Variants in TSHZ1 observed in about 807,000 individuals in gnomAD.
The protein encoded by TSHZ1 is teashirt zinc finger homeobox 1, also known as teashirt homolog 1.
In TSHZ1, 12 loss-of-function variants were observed where a neutral mutation model predicts 67.1. The ratio of observed to expected loss-of-function variants is 0.18; its 90% CI spans 0.11 to 0.29. TSHZ1 has a LOEUF of 0.29. Among genes scored for constraint, TSHZ1 ranks in the 10% least tolerant of loss-of-function variants. The pLI is 1.00. For synonymous variants in TSHZ1, 632 were observed against 622.4 expected, an observed-to-expected ratio of 1.02 and a Z score of -0.23; for missense variants, 1,305 against 1,413.9, an observed-to-expected ratio of 0.92 and a Z score of 1.23.
At chr18:75,243,521 A>G (rs2023183712) in intron 1 of TSHZ1, among the ~76,000 whole-genome samples, 1 of 144,128 alleles carries the variant, frequency 6.9e-6, no homozygotes, top group Non-Finnish European at 1.5e-5. Flanking sequence ...GGGTGGGCTG[A>G]GGGGTGGGGA....
At chr18:75,278,894 A>T (rs958068840) in intron 1 of TSHZ1, among the ~76,000 whole-genome samples, 2 of 152,160 alleles carry the variant, frequency 1.3e-5, no homozygotes, top group Non-Finnish European at 2.9e-5. Context: ...GCCGGCAGTC[A>T]GTCACAGGTT....
intron 1 of TSHZ1, among the ~76,000 whole-genome samples, chr18:75,280,309 CA>C (rs1407295193): frequency 3.3e-5 from 5 of 152,134 alleles, no homozygotes. Flanking sequence ...AGGCTAACTT[CA>C]AAAAATAAAA....
rs148126168 is a variant in TSHZ1 at position 75,286,712 on chromosome 18, G to T, written c.1305G>T (p.Met435Ile). 6.2e-7 allele frequency: 1 copy of T among 1,613,868 alleles called. No individual in the cohort carries two copies. ...CGCTGCAGCAGCTCACCGCCCACAT[G>T]ATGGTCACCGGGCACTTCCTGAAAG... ...HDTLQQLTAH[M>I]MVTGHFLKVT... The change falls in exon 2 of 2, where the codon ATG becomes ATT. Residue 435 changes from methionine to isoleucine, a missense_variant. Met to Ile is a conservative substitution (Grantham distance 10). This residue lies in a region of TSHZ1 where 909 missense variants were observed against 961.8 expected (regional missense o/e 0.95). Transcript: ENST00000580243. This position sits in a 1 kb window ranked among gnomAD's most constrained non-coding sequence, Gnocchi z 5.1.
chr18:75,276,590 T>C (rs756418127), intron 1 of TSHZ1, among the ~76,000 whole-genome samples: 3 of 152,248 alleles, frequency 2.0e-5, no homozygotes, highest in Non-Finnish European at 2.9e-5. Context: ...CGTAAGATTC[T>C]ACAATGAATC....
intron 1 of TSHZ1, among the ~76,000 whole-genome samples, chr18:75,261,357 A>G (rs899898958): frequency 6.6e-6 from 1 of 152,216 alleles, no homozygotes; most frequent in African/African-American, 2.4e-5. Flanking sequence ...TTGAAGGACA[A>G]CAGTCACCTC....
At chr18:75,272,239 G>A (rs1255627289) in intron 1 of TSHZ1, among the ~76,000 whole-genome samples, 1 of 152,218 alleles carries the variant, frequency 6.6e-6, no homozygotes, top group Non-Finnish European at 1.5e-5. Context: ...TCTGAGAGAT[G>A]AGAATCCTGC....
At chr18:75,262,062 G>C (rs2023437309) in intron 1 of TSHZ1, among the ~76,000 whole-genome samples, 1 of 152,146 alleles carries the variant, frequency 6.6e-6, no homozygotes. Flanking sequence ...GCCTGAAAAA[G>C]CTGACAGACT....
rs754878049 is a variant in TSHZ1 at position 75,285,628 on chromosome 18, A to G, written c.221A>G (p.Tyr74Cys). Reference sequence around the variant, plus strand: ...TCTGCGACTAACCAGGACGCCGGCTACGGGTCGCCCTTCAGTGAGAGCAGC... The same window carrying G: ...TCTGCGACTAACCAGGACGCCGGCTGCGGGTCGCCCTTCAGTGAGAGCAGC... ...VSSATNQDAG[Y>C]GSPFSESSDQ... The change falls in exon 2 of 2, where the codon TAC (tyrosine) becomes TGC (cysteine). Residue 74 changes from tyrosine (Y) to cysteine (C), a missense_variant. By Grantham distance (194) the Tyr-to-Cys change is radical. Around this residue, in one of 3 missense-constraint regions of TSHZ1, gnomAD observed 358 missense variants for 375.6 expected, o/e 0.95. Transcript: ENST00000580243. The G allele has an allele frequency of 6.2e-7, 1 of 1,613,498 alleles. No homozygotes were observed. The highest frequency in any genetic ancestry group is 8.5e-7 in the Non-Finnish European group (1 of 1,179,670).
intron 1 of TSHZ1, among the ~76,000 whole-genome samples, chr18:75,260,300 C>T (rs1345680468): frequency 6.6e-6 from 1 of 152,208 alleles, no homozygotes; most frequent in South Asian, 2.1e-4. Flanking sequence ...TTGCATTTTC[C>T]CCAGCATTCA....
chr18:75,234,522 G>T (rs890493647), intron 1 of TSHZ1, among the ~76,000 whole-genome samples: 1 of 152,112 alleles, frequency 6.6e-6, no homozygotes, highest in African/African-American at 2.4e-5. Flanking sequence ...CTGGAGGATG[G>T]GATAGTGGCG....
intron 1 of TSHZ1, chr18:75,221,219 C>G (rs139429775): frequency 2.0e-5 from 3 of 152,334 alleles, no homozygotes; most frequent in African/African-American, 2.4e-5. Flanking sequence ...CAGTTTAAAG[C>G]AGGCACGAAG....
Position 75,280,790 on chromosome 18 carries a change from A to G in TSHZ1, c.41-4658A>G, listed in dbSNP as rs148884725. 1,951 of 985,466 alleles carry G rather than the reference A, an allele frequency of 2.0e-3. 28 individuals carry two copies. The African/African-American group carries it at 0.029, about 15-fold the overall frequency. 61.0% of individuals were successfully genotyped at this position (985,466 alleles called of 1,614,324 possible). ...CCGTGTGAGCTGAGTGAAAGAAGTCACAGCTCTATGAGGAGGACAGACAGG... is the reference window on the plus strand; with the variant it reads ...CCGTGTGAGCTGAGTGAAAGAAGTCGCAGCTCTATGAGGAGGACAGACAGG... On this transcript the variant is annotated intron_variant, in intron 1 of 1. Coordinates refer to ENST00000580243, the MANE Select transcript of TSHZ1 (RefSeq NM_001308210.2).
chr18:75,243,459 T>G (rs1389027718), intron 1 of TSHZ1, among the ~76,000 whole-genome samples: 2 of 152,098 alleles, frequency 1.3e-5, no homozygotes, highest in African/African-American at 4.8e-5. Context: ...TACGGGGGCA[T>G]TCCAGATAAC....
intron 1 of TSHZ1, among the ~76,000 whole-genome samples, chr18:75,229,425 G>A (rs551361316): frequency 1.6e-3 from 239 of 152,340 alleles, no homozygotes; most frequent in Admixed American, 5.0e-3. Flanking sequence ...CCATGCAGGG[G>A]GACCCATCGG....
chr18:75,212,323 C>T (rs1653875923), intron 1 of TSHZ1, among the ~76,000 whole-genome samples: 1 of 152,134 alleles, frequency 6.6e-6, no homozygotes. Context: ...ACAAGGTCAC[C>T]AGGCTGGGAC....
rs146693154 is a variant in TSHZ1 at position 75,285,653 on chromosome 18, C to T, written c.246C>T (p.Ser82=). 213 of 1,613,964 alleles carry T rather than the reference C, an allele frequency of 1.3e-4. No individual in the cohort carries two copies. In the African/African-American group the frequency reaches 1.8e-3, roughly 13 times the overall value. The change falls in exon 2 of 2, where the codon AGC becomes AGT. Residue 82 remains serine, a synonymous_variant. Transcript: ENST00000580243. ...ACGGGTCGCCCTTCAGTGAGAGCAG[C>T]GACCAGCTAGCCCATTTCAAAGGCT... ...AGYGSPFSES[S]DQLAHFKGSS... is the part of the protein sequence containing the mutation.
chr18:75,262,175 C>T (rs1354681917), intron 1 of TSHZ1, among the ~76,000 whole-genome samples: 1 of 152,178 alleles, frequency 6.6e-6, no homozygotes, highest in Non-Finnish European at 1.5e-5. Flanking sequence ...CTCCTGATTT[C>T]TCAGAAAGCA....
chr18:75,284,974 G>C (rs542277579), intron 1 of TSHZ1: 1 of 152,822 alleles, frequency 6.5e-6, no homozygotes, highest in Non-Finnish European at 1.5e-5. Flanking sequence ...TGCCATTGAG[G>C]AGTGTTTTTA....
rs1290756952 is a variant in TSHZ1 at position 75,237,788 on chromosome 18, T to TTTTATTTATTTATTTATTTA, written c.40+25874_40+25875insTATTTATTTATTTATTTATT. On this transcript the variant is annotated intron_variant, in intron 1 of 1. Transcript: ENST00000580243. ...ATGAATTAGACTGAAGCCTTCTTTC[T>TTTTATTTATTTATTTATTTA]TTCATTTATTTATTTATTTATTTAT... 3.4e-5 allele frequency among the ~76,000 whole-genome samples: 3 copies of TTTTATTTATTTATTTATTTA among 87,808 alleles called. No individual in the cohort carries two copies. In the South Asian group the frequency reaches 1.5e-3, roughly 43 times the overall value. The allele number at this position is 87,808 out of a possible 152,430, so 57.6% of individuals were successfully genotyped here.
Sources: gnomAD v4.1 joint callset for allele counts (sites outside exome capture counted in the v4.1 genomes callset) on GRCh38, gnomAD v4.1.1 for gene constraint, gnomAD v4.1.1 regional missense constraint, Gnocchi (gnomAD v3.1) non-coding constraint, MANE v1.5 for transcripts, NCBI Gene and HGNC (gene_info 2026-07-23, HGNC 2026-07-21) for gene names.